Variants in PROM1 observed in about 807,000 individuals in gnomAD.
PROM1 encodes the protein prominin 1, also known as prominin-1.
In PROM1, 105 loss-of-function variants were observed where a neutral mutation model predicts 116.9. That is an observed-to-expected ratio of 0.90 (90% confidence interval 0.77 to 1.06). PROM1 has a LOEUF of 1.06. PROM1 is among the 50% of genes least tolerant of loss of function. The pLI is 0.00. For synonymous variants in PROM1, 393 were observed against 387.0 expected, an observed-to-expected ratio of 1.02 and a Z score of -0.18; for missense variants, 1,122 against 1,045.2, an observed-to-expected ratio of 1.07 and a Z score of -1.01.
chr4:16,066,684 G>T (rs913417939), intron 2 of PROM1, among the ~76,000 whole-genome samples: 6 of 152,190 alleles, frequency 3.9e-5, no homozygotes, highest in African/African-American at 1.4e-4. Flanking sequence ...TAAATCTCAA[G>T]ACTTCATTTC....
At position 16,006,540 on chromosome 4, in the gene PROM1, C is replaced by A; in HGVS notation, c.1452G>T (p.Met484Ile). The A allele has an allele frequency of 6.3e-7, 1 of 1,587,788 alleles. No homozygotes were observed. Among genetic ancestry groups the A allele is most frequent in the Non-Finnish European group, 8.6e-7 (1 of 1,167,802 alleles). ...CVSNTGGVFL[M>I]VGVGLSFLFC... The stretch of plus-strand genomic sequence containing the variant: ...GACAGAGAGGAGCAGACACTCACAC[C>A]ATGAGGAAGACGCCTCCGGTGTTGG... Residue 484 changes from methionine (M) to isoleucine (I), a missense_variant and splice_region_variant, in exon 13 of 28, where the codon ATG (methionine) becomes ATT (isoleucine). Transcript: ENST00000447510.
intron 2 of PROM1, among the ~76,000 whole-genome samples, chr4:16,050,438 T>G (rs75380385): frequency 0.12 from 18,067 of 152,238 alleles, 1,292 homozygotes; most frequent in East Asian, 0.23. Context: ...ACTGCATACA[T>G]GATCTCCTGG....
intron 26 of PROM1, among the ~76,000 whole-genome samples, chr4:15,973,747 T>G (rs887589761): frequency 6.6e-6 from 1 of 152,178 alleles, no homozygotes; most frequent in Non-Finnish European, 1.5e-5. Context: ...CCACCCGTTT[T>G]GGGAACTTTT....
At chr4:15,988,764 T>G (rs1034374813) in intron 19 of PROM1, among the ~76,000 whole-genome samples, 2 of 150,550 alleles carry the variant, frequency 1.3e-5, no homozygotes, top group African/African-American at 4.9e-5. Context: ...CATAAACCAG[T>G]TACAGAAAAT....
At chr4:15,994,113 T>G (rs1721732692) in intron 15 of PROM1, 42 bp from the exon 16 acceptor site, 1 of 1,612,492 alleles carries the variant, frequency 6.2e-7, no homozygotes, top group East Asian at 2.2e-5. Flanking sequence ...GAAAAGCTGT[T>G]GCAGCTACCT....
intron 2 of PROM1, among the ~76,000 whole-genome samples, chr4:16,043,519 C>T (rs780630771): frequency 6.6e-6 from 1 of 152,168 alleles, no homozygotes; most frequent in Admixed American, 6.5e-5. Context: ...TTCACCAGGC[C>T]CCTGCTGGAA....
chr4:16,018,593 A>G, intron 8 of PROM1, 53 bp from the exon 9 acceptor site: 1 of 1,504,020 alleles, frequency 6.6e-7, no homozygotes, highest in East Asian at 2.4e-5. Flanking sequence ...CTCCTCATCT[A>G]CAAAAGTGTG....
At chr4:16,048,319 G>C (rs1736993656) in intron 2 of PROM1, among the ~76,000 whole-genome samples, 1 of 152,186 alleles carries the variant, frequency 6.6e-6, no homozygotes, top group African/African-American at 2.4e-5. Context: ...GCACCTGTCT[G>C]AGTTTAGTAC....
At chr4:16,038,294 T>C (rs1268531436) in intron 3 of PROM1, among the ~76,000 whole-genome samples, 1 of 152,156 alleles carries the variant, frequency 6.6e-6, no homozygotes, top group East Asian at 1.9e-4. Context: ...ACAGTCACCA[T>C]CTCTAGGAAT....
intron 2 of PROM1, among the ~76,000 whole-genome samples, chr4:16,052,116 C>A (rs1738018610): frequency 6.6e-6 from 1 of 152,164 alleles, no homozygotes; most frequent in South Asian, 2.1e-4. Flanking sequence ...AAACCCACAG[C>A]CAGTGTGGAG....
intron 5 of PROM1, among the ~76,000 whole-genome samples, chr4:16,026,386 A>G (rs1457482603): frequency 6.6e-6 from 1 of 152,192 alleles, no homozygotes; most frequent in Non-Finnish European, 1.5e-5. Flanking sequence ...ACATAAACAT[A>G]GCCGAACTAT....
chr4:16,025,060 T>C, intron 6 of PROM1, 132 bp downstream of exon 6: 1 of 1,147,090 alleles, frequency 8.7e-7, no homozygotes, highest in Non-Finnish European at 1.2e-6. Flanking sequence ...ATCCAGGACA[T>C]TAACAGATAA....
At chr4:16,016,918 G>A (rs750817618) in intron 9 of PROM1, among the ~76,000 whole-genome samples, 4 of 152,210 alleles carry the variant, frequency 2.6e-5, no homozygotes, top group Non-Finnish European at 4.4e-5. Flanking sequence ...AAATGACAAT[G>A]TGTGATCCTG....
intron 2 of PROM1, 57 bp downstream of exon 2, chr4:16,075,630 C>T: frequency 2.7e-6 from 4 of 1,481,362 alleles, no homozygotes; most frequent in Non-Finnish European, 3.7e-6. Context: ...CATTAAAAAA[C>T]AATATTGTGG....
intron 14 of PROM1, among the ~76,000 whole-genome samples, chr4:15,999,484 AAT>A (rs918717238): frequency 6.6e-6 from 1 of 151,742 alleles, no homozygotes; most frequent in Non-Finnish European, 1.5e-5. Context: ...AAAAAAAAAA[AAT>A]TCACACACTC....
chr4:16,009,225 G>GT (rs1414226063), intron 11 of PROM1, 117 bp from the exon 12 acceptor site: 15 of 801,762 alleles, frequency 1.9e-5, no homozygotes, highest in Non-Finnish European at 3.0e-5. Flanking sequence ...TCATGTATGT[G>GT]TTTAAAATAT....
rs547500793 is a variant in PROM1 at position 16,006,815 on chromosome 4, A to G, written c.1302-125T>C. 1,305 of 938,666 alleles carry G rather than the reference A, an allele frequency of 1.4e-3. 1 individual carries two copies. The highest frequency in any genetic ancestry group is 3.9e-3 in the Admixed American group (157 of 40,650). The allele number at this position is 938,666 out of a possible 1,614,324, so 58.1% of individuals were successfully genotyped here. A position where few individuals can be genotyped will look rare whatever the true frequency, so the allele number is the denominator to read the frequency against. On this transcript the variant is annotated intron_variant, in intron 12 of 27. Coordinates refer to ENST00000447510, the MANE Select transcript of PROM1 (RefSeq NM_006017.3). The stretch of plus-strand genomic sequence containing the variant: ...CTTCTAAAATCAGAGTCTTCTATCA[A>G]TTCCTCAGAGGACAATAATGTTGAG...
At chr4:16,031,240 T>C (rs1384317789) in intron 5 of PROM1, among the ~76,000 whole-genome samples, 1 of 152,190 alleles carries the variant, frequency 6.6e-6, no homozygotes, top group East Asian at 1.9e-4. Context: ...TATTTTCAGA[T>C]GATGCTTTCA....
chr4:15,978,105 G>A (rs896448033), intron 26 of PROM1, among the ~76,000 whole-genome samples: 1 of 152,058 alleles, frequency 6.6e-6, no homozygotes, highest in Admixed American at 6.5e-5. Context: ...GCAAGACAAC[G>A]CCACCTATGA....
Sources: allele counts gnomAD v4.1 joint callset (sites outside exome capture counted in the v4.1 genomes callset), GRCh38; gene constraint gnomAD v4.1.1; transcripts MANE v1.5; gene names NCBI Gene and HGNC (gene_info 2026-07-23, HGNC 2026-07-21).